The following ARHGAP10 variants were observed in gnomAD, a reference collection of about 807,000 sequenced individuals.
The protein encoded by ARHGAP10 is Rho GTPase activating protein 10.
ARHGAP10 carries 87 observed loss-of-function variants against 108.6 expected under a neutral mutation model. The ratio of observed to expected loss-of-function variants is 0.80; its 90% CI spans 0.67 to 0.96. ARHGAP10 has a LOEUF of 0.96. Ranked by LOEUF, ARHGAP10 falls within the 40% of genes least tolerant of loss-of-function variation. The pLI is 0.00. For synonymous variants in ARHGAP10, 347 were observed against 341.1 expected, an observed-to-expected ratio of 1.02 and a Z score of -0.19; for missense variants, 939 against 954.5, an observed-to-expected ratio of 0.98 and a Z score of 0.21.
At chr4:147,739,521 G>A (rs1578985138) in intron 1 of ARHGAP10, among the ~76,000 whole-genome samples, 2 of 152,104 alleles carry the variant, frequency 1.3e-5, no homozygotes, top group South Asian at 2.1e-4. Context: ...GGTTTCTAGC[G>A]TCTGACATGC....
At chr4:147,900,183 A>G (rs970053348) in intron 10 of ARHGAP10, among the ~76,000 whole-genome samples, 3 of 152,226 alleles carry the variant, frequency 2.0e-5, no homozygotes, top group Non-Finnish European at 2.9e-5. Flanking sequence ...GAAATGTAGA[A>G]TACAGATAAT....
chr4:148,048,790 C>G (rs1434077855), intron 20 of ARHGAP10, among the ~76,000 whole-genome samples: 1 of 152,098 alleles, frequency 6.6e-6, no homozygotes, highest in Non-Finnish European at 1.5e-5. Context: ...CACAACACGT[C>G]CATGCCTGAA....
intron 1 of ARHGAP10, among the ~76,000 whole-genome samples, chr4:147,744,665 C>A (rs370621662): frequency 1.3e-4 from 20 of 151,992 alleles, no homozygotes; most frequent in African/African-American, 4.1e-4. Flanking sequence ...CCTGACACCT[C>A]AGGTTCTGGT....
chr4:147,877,667 A>G (rs556509293), intron 8 of ARHGAP10, among the ~76,000 whole-genome samples: 2 of 152,236 alleles, frequency 1.3e-5, no homozygotes, highest in South Asian at 2.1e-4. Context: ...GAAGTTCCAG[A>G]TGCTAGAGGT....
chr4:148,011,750 T>A (rs1741177479), intron 18 of ARHGAP10, among the ~76,000 whole-genome samples: 2 of 152,326 alleles, frequency 1.3e-5, no homozygotes, highest in South Asian at 4.1e-4. Context: ...ATTTCCTAAT[T>A]GTAAATATAG....
intron 10 of ARHGAP10, among the ~76,000 whole-genome samples, chr4:147,891,185 A>G (rs751744568): frequency 6.6e-6 from 1 of 152,264 alleles, no homozygotes; most frequent in African/African-American, 2.4e-5. Context: ...ATGAGTGTTC[A>G]TAGAAGCATT....
intron 1 of ARHGAP10, among the ~76,000 whole-genome samples, chr4:147,811,196 C>A (rs1732001525): frequency 6.6e-6 from 1 of 152,344 alleles, no homozygotes; most frequent in South Asian, 2.1e-4. Context: ...ACCCTCAGTC[C>A]CACCCAAGTC....
intron 3 of ARHGAP10, among the ~76,000 whole-genome samples, chr4:147,844,240 T>C (rs1733541277): frequency 6.6e-6 from 1 of 152,146 alleles, no homozygotes; most frequent in Non-Finnish European, 1.5e-5. Context: ...ATTTATGGGG[T>C]TATATTAGAT....
intron 1 of ARHGAP10, among the ~76,000 whole-genome samples, chr4:147,761,705 A>G (rs1211152181): frequency 6.6e-6 from 1 of 152,250 alleles, no homozygotes; most frequent in Non-Finnish European, 1.5e-5. Flanking sequence ...AACAGAATGA[A>G]TTGGGAAATC....
In ARHGAP10 at chr4:148,066,922, C is replaced by T. The variant is rs185736021; in HGVS notation, c.2272+2415C>T. Among the ~76,000 whole-genome samples the T allele has an allele frequency of 5.9e-4, 90 of 152,320 alleles. 1 individual carries two copies. Among genetic ancestry groups the T allele is most frequent in the African/African-American group, 9.9e-4 (41 of 41,576 alleles). ...TGGGTACATTGTAGTGTGCCATAGA[C>T]GAGGCTACGCTTTGAGCCAGTTTGT... On this transcript the variant is annotated intron_variant, in intron 22 of 22. Transcript: ENST00000336498.
chr4:147,737,112 C>CT (rs1455365471), intron 1 of ARHGAP10, among the ~76,000 whole-genome samples: 1 of 152,008 alleles, frequency 6.6e-6, no homozygotes, highest in African/African-American at 2.4e-5. Context: ...TTTTCTGCTA[C>CT]TTAATGCCCT....
intron 15 of ARHGAP10, 130 bp downstream of exon 15, chr4:147,946,834 G>T (rs952961532): frequency 1.4e-5 from 8 of 589,656 alleles, no homozygotes; most frequent in Non-Finnish European, 2.1e-5. Context: ...AATTTATCAG[G>T]TGTCTCAGTG....
intron 1 of ARHGAP10, among the ~76,000 whole-genome samples, chr4:147,814,390 T>C (rs1444720255): frequency 6.6e-6 from 1 of 152,148 alleles, no homozygotes; most frequent in Non-Finnish European, 1.5e-5. Flanking sequence ...TTGGCTTTGA[T>C]TGGGAACTAA....
intron 1 of ARHGAP10, among the ~76,000 whole-genome samples, chr4:147,753,075 AT>A (rs1338021961): frequency 1.3e-5 from 2 of 152,234 alleles, no homozygotes; most frequent in African/African-American, 2.4e-5. Flanking sequence ...AAGTAATAGT[AT>A]CAGTGAAGAC....
At chr4:147,813,506 C>T (rs1732115542) in intron 1 of ARHGAP10, among the ~76,000 whole-genome samples, 1 of 152,190 alleles carries the variant, frequency 6.6e-6, no homozygotes, top group South Asian at 2.1e-4. Context: ...CCGTGGGAGC[C>T]GAAATTGAAA....
chr4:147,975,934 C>T (rs1399099567), intron 18 of ARHGAP10, among the ~76,000 whole-genome samples: 5 of 152,204 alleles, frequency 3.3e-5, no homozygotes, highest in East Asian at 3.8e-4. Flanking sequence ...CTCTTTGCCA[C>T]GATCAGTAGA....
chr4:147,799,610 T>C (rs896726080), intron 1 of ARHGAP10, among the ~76,000 whole-genome samples: 1 of 152,234 alleles, frequency 6.6e-6, no homozygotes, highest in Admixed American at 6.5e-5. Flanking sequence ...CTATTGAGCA[T>C]ATCAAGTGAG....
intron 1 of ARHGAP10, among the ~76,000 whole-genome samples, chr4:147,814,471 G>A (rs1330037558): frequency 6.6e-6 from 1 of 152,148 alleles, no homozygotes; most frequent in Non-Finnish European, 1.5e-5. Context: ...TGTTAAGCGA[G>A]ATGAACACCT....
chr4:147,809,377 A>G (rs1308304279), intron 1 of ARHGAP10, among the ~76,000 whole-genome samples: 1 of 152,200 alleles, frequency 6.6e-6, no homozygotes, highest in East Asian at 1.9e-4. Flanking sequence ...TTGATCTTAA[A>G]TTAGCTTCCT....
Sources: gnomAD v4.1 joint callset for allele counts (sites outside exome capture counted in the v4.1 genomes callset) on GRCh38, gnomAD v4.1.1 for gene constraint, MANE v1.5 for transcripts, NCBI Gene and HGNC (gene_info 2026-07-23, HGNC 2026-07-21) for gene names.